Variants in PTPRT observed in about 807,000 individuals in gnomAD.
PTPRT encodes protein tyrosine phosphatase receptor type T, also known as receptor-type tyrosine-protein phosphatase T.
In PTPRT, 56 loss-of-function variants were observed where a neutral mutation model predicts 176.8. That is an observed-to-expected ratio of 0.32 (90% confidence interval 0.26 to 0.40). PTPRT has a LOEUF of 0.40. Among genes scored for constraint, PTPRT ranks in the 10% least tolerant of loss-of-function variants. PTPRT has a pLI of 1.00. For missense variants in PTPRT, 1,540 were observed against 1,908.2 expected, an observed-to-expected ratio of 0.81 and a Z score of 3.60; for synonymous variants, 783 against 739.0, an observed-to-expected ratio of 1.06 and a Z score of -0.96.
At chr20:42,978,981 C>G (rs1275052212) in intron 1 of PTPRT, among the ~76,000 whole-genome samples, 1 of 152,142 alleles carries the variant, frequency 6.6e-6, no homozygotes, top group Non-Finnish European at 1.5e-5. Context: ...TTTCTCTTTA[C>G]TCTAGGAACT....
At chr20:42,062,207 C>T in the PTPRT span, among the ~76,000 whole-genome samples, 14 of 152,172 alleles carry the variant, frequency 9.2e-5, no homozygotes, top group African/African-American at 3.1e-4. Context: ...TTATGGGCAG[C>T]ATTAAGCAGA....
chr20:42,481,436 A>C (rs2071383375), intron 7 of PTPRT, among the ~76,000 whole-genome samples: 1 of 152,168 alleles, frequency 6.6e-6, no homozygotes, highest in Non-Finnish European at 1.5e-5. Flanking sequence ...CACATAGTTT[A>C]AATACCTTTC....
the PTPRT span, among the ~76,000 whole-genome samples, chr20:42,042,800 GT>G: frequency 5.9e-5 from 9 of 152,328 alleles, no homozygotes; most frequent in African/African-American, 1.7e-4. Context: ...GAAAGCTCAT[GT>G]TTCAGAATTT....
intron 9 of PTPRT, 79 bp from the exon 10 acceptor site, chr20:42,352,364 T>A: frequency 7.0e-7 from 1 of 1,436,164 alleles, no homozygotes. Flanking sequence ...TAGAGGAACC[T>A]TAGGGAGGCG....
chr20:42,572,881 G>T lies in PTPRT; in HGVS notation c.1154-100319C>A, dbSNP rs547782699. ...TCTTCCAGTTACTAAGTCCCCTAAG[G>T]CAATGCCTACCTTGACCTCTAACAC... On this transcript the variant is annotated intron_variant, in intron 7 of 30. Transcript: ENST00000373187. Among the ~76,000 whole-genome samples the T allele has an allele frequency of 2.7e-5, 4 of 149,790 alleles. No homozygotes were observed. In the South Asian group the frequency reaches 8.5e-4, roughly 32 times the overall value.
chr20:42,153,157 T>C (rs184933461), intron 17 of PTPRT, among the ~76,000 whole-genome samples: 6 of 152,340 alleles, frequency 3.9e-5, no homozygotes, highest in Admixed American at 3.3e-4. Flanking sequence ...GTTACATCAT[T>C]ACATGGTGTG....
chr20:42,141,633 G>A (rs1279604321), intron 18 of PTPRT, among the ~76,000 whole-genome samples: 1 of 152,176 alleles, frequency 6.6e-6, no homozygotes, highest in Non-Finnish European at 1.5e-5. Context: ...AATGCTCGGT[G>A]AGACCCAGCC....
intron 7 of PTPRT, among the ~76,000 whole-genome samples, chr20:42,505,204 C>T (rs2071822925): frequency 6.6e-6 from 1 of 152,098 alleles, no homozygotes; most frequent in Admixed American, 6.6e-5. Context: ...TTCACGACTT[C>T]ATTCTTTTAA....
chr20:42,246,443 C>A (rs1023437123), intron 14 of PTPRT, among the ~76,000 whole-genome samples: 1 of 152,094 alleles, frequency 6.6e-6, no homozygotes, highest in Non-Finnish European at 1.5e-5. Context: ...GGTTTTGCCT[C>A]CTGGGGAGAA....
chr20:42,621,298 T>G (rs1380690355), intron 7 of PTPRT, among the ~76,000 whole-genome samples: 1 of 152,154 alleles, frequency 6.6e-6, no homozygotes, highest in African/African-American at 2.4e-5. Context: ...CTCCACTGGC[T>G]CCTTTCCATT....
In PTPRT at chr20:43,057,027, G is replaced by A. The variant is rs1161246421; in HGVS notation, c.88+132619C>T. Among the ~76,000 whole-genome samples, 6 of 151,946 alleles carry A rather than the reference G, an allele frequency of 3.9e-5. No individual in the cohort carries two copies. The South Asian group carries it at 6.2e-4, about 16-fold the overall frequency. ...CTGAGGGAAAAAAGGCCAATCTCAAGGGCCTTTCTACTGTCTGATTCTACT... is the reference window on the plus strand; with the variant it reads ...CTGAGGGAAAAAAGGCCAATCTCAAAGGCCTTTCTACTGTCTGATTCTACT... On this transcript the variant is annotated intron_variant, in intron 1 of 30. Coordinates refer to ENST00000373187, the MANE Select transcript of PTPRT (RefSeq NM_007050.6).
At chr20:42,933,244 C>T (rs1469504532) in intron 1 of PTPRT, among the ~76,000 whole-genome samples, 1 of 152,160 alleles carries the variant, frequency 6.6e-6, no homozygotes, top group African/African-American at 2.4e-5. Context: ...TCTTCTGCTC[C>T]CCTAGATCTT....
chr20:42,180,256 A>G (rs907643059), intron 16 of PTPRT, among the ~76,000 whole-genome samples: 4 of 152,170 alleles, frequency 2.6e-5, no homozygotes, highest in African/African-American at 9.7e-5. Context: ...ACTGACCTTT[A>G]CAGCTGGAAC....
chr20:42,435,142 G>A (rs948632570), intron 9 of PTPRT, among the ~76,000 whole-genome samples: 3 of 111,358 alleles, frequency 2.7e-5, no homozygotes, highest in Non-Finnish European at 5.9e-5. Flanking sequence ...ATATATAGGA[G>A]TGTGTGTGTG....
At chr20:42,610,440 G>T (rs1210282848) in intron 7 of PTPRT, among the ~76,000 whole-genome samples, 1 of 147,740 alleles carries the variant, frequency 6.8e-6, no homozygotes, top group African/African-American at 2.5e-5. Flanking sequence ...GTCTGGTCTC[G>T]AACTTCTGGC....
intron 1 of PTPRT, among the ~76,000 whole-genome samples, chr20:43,174,646 C>T (rs762896963): frequency 2.0e-5 from 3 of 152,162 alleles, no homozygotes; most frequent in Non-Finnish European, 4.4e-5. Context: ...CCTCTGTATA[C>T]TCTTTTGGGT....
At chr20:42,855,548 C>T (rs1316492161) in intron 2 of PTPRT, among the ~76,000 whole-genome samples, 1 of 145,628 alleles carries the variant, frequency 6.9e-6, no homozygotes, top group Non-Finnish European at 1.5e-5. Context: ...TCTCATGCCT[C>T]AGCCTCCCAA....
intron 15 of PTPRT, among the ~76,000 whole-genome samples, chr20:42,233,995 A>C (rs1190280621): frequency 1.3e-5 from 2 of 152,136 alleles, no homozygotes; most frequent in Non-Finnish European, 2.9e-5. Context: ...GCACTGTATA[A>C]AGTGGGCATT....
chr20:42,931,451 G>C (rs1979842152), intron 1 of PTPRT, among the ~76,000 whole-genome samples: 1 of 152,222 alleles, frequency 6.6e-6, no homozygotes, highest in African/African-American at 2.4e-5. Flanking sequence ...AAGCCACGCA[G>C]TCTATGCATT....
Sources: gnomAD v4.1 joint callset for allele counts (sites outside exome capture counted in the v4.1 genomes callset) on GRCh38, gnomAD v4.1.1 for gene constraint, MANE v1.5 for transcripts, NCBI Gene and HGNC (gene_info 2026-07-23, HGNC 2026-07-21) for gene names.